The following CD2AP variants were observed in gnomAD, a reference collection of about 807,000 sequenced individuals.
The protein encoded by CD2AP is CD2-associated protein.
CD2AP carries 46 observed loss-of-function variants against 85.1 expected under a neutral mutation model. The ratio of observed to expected loss-of-function variants is 0.54; its 90% confidence interval spans 0.43 to 0.69. The LOEUF (loss-of-function observed/expected upper bound fraction) is 0.69, where lower values mean the gene tolerates loss of function less well. Among genes scored for constraint, CD2AP ranks in the 30% least tolerant of loss-of-function variants. CD2AP has a pLI of 0.00. For missense variants in CD2AP, 769 were observed against 729.5 expected (o/e 1.05, Z -0.62); for synonymous variants, 255 against 252.9 (o/e 1.01, Z -0.08).
rs192284330 is a variant in CD2AP at position 47,597,429 on chromosome 6, T to A, written c.1274+1403T>A. ...AGACAGCATAGAGGACCCAGAGGCT[T>A]GATGAGAGAATAAAAAAAGCTAATC... On this transcript the variant is annotated intron_variant, in intron 12 of 17. Coordinates refer to ENST00000359314, the MANE Select transcript of CD2AP (RefSeq NM_012120.3). 1.1e-3 allele frequency among the ~76,000 whole-genome samples: 165 copies of A among 150,576 alleles called. 5 individuals are homozygous for A. In the South Asian group the frequency reaches 0.012, roughly 11 times the overall value.
intron 2 of CD2AP, among the ~76,000 whole-genome samples, chr6:47,524,618 T>C (rs981990328): frequency 1.6e-4 from 25 of 151,886 alleles, no homozygotes; most frequent in Non-Finnish European, 3.7e-4. Flanking sequence ...GTGTTTTTTT[T>C]TCCACTGTAC....
rs1283626251 is a variant in CD2AP, at chr6:47,572,166, A to G, written c.542-1898A>G. On this transcript the variant is annotated intron_variant, in intron 5 of 17. Transcript: ENST00000359314. ...CCCTGACTGGAAATAACTGTTGTAA[A>G]GGATTACTGTAAAATTTAACATTCA... 2.0e-5 allele frequency among the ~76,000 whole-genome samples: 3 copies of G among 152,318 alleles called. No homozygotes were observed. The East Asian group carries it at 5.8e-4, about 29-fold the overall frequency.
At chr6:47,597,959 C>T (rs977332738) in intron 12 of CD2AP, among the ~76,000 whole-genome samples, 1 of 150,956 alleles carries the variant, frequency 6.6e-6, no homozygotes, top group African/African-American at 2.4e-5. Flanking sequence ...TTACCACATG[C>T]AGCAGTAGTC....
intron 11 of CD2AP, among the ~76,000 whole-genome samples, chr6:47,591,905 A>G (rs1768806625): frequency 6.6e-6 from 1 of 152,054 alleles, no homozygotes; most frequent in Non-Finnish European, 1.5e-5. Flanking sequence ...GCCCACTGCA[A>G]CCTCAAACTC....
intron 2 of CD2AP, among the ~76,000 whole-genome samples, chr6:47,513,447 T>C (rs1379745335): frequency 1.3e-5 from 2 of 152,306 alleles, no homozygotes; most frequent in African/African-American, 4.8e-5. Context: ...GGTTTTTGCA[T>C]AAATTGAGTG....
chr6:47,499,027 G>T (rs781175714), intron 1 of CD2AP, among the ~76,000 whole-genome samples: 1 of 152,130 alleles, frequency 6.6e-6, no homozygotes, highest in African/African-American at 2.4e-5. Context: ...AAAATGTCCT[G>T]ATTTGGCCAG....
chr6:47,563,801 C>T (rs550159529), intron 5 of CD2AP, among the ~76,000 whole-genome samples: 118 of 152,284 alleles, frequency 7.7e-4, no homozygotes, highest in African/African-American at 2.8e-3. Context: ...CCAGTTGCCT[C>T]TCATTTTTAA....
At chr6:47,623,211 A>T (rs1769810759) in intron 17 of CD2AP, among the ~76,000 whole-genome samples, 1 of 152,214 alleles carries the variant, frequency 6.6e-6, no homozygotes, top group East Asian at 1.9e-4. Flanking sequence ...ACATATAAAA[A>T]TTATACTTTT....
At chr6:47,509,375 G>GC (rs1355261196) in intron 2 of CD2AP, among the ~76,000 whole-genome samples, 1 of 152,024 alleles carries the variant, frequency 6.6e-6, no homozygotes, top group East Asian at 1.9e-4. Flanking sequence ...GGGAGCCCAT[G>GC]CCGTTGGAAA....
At chr6:47,482,606 C>T (rs1362245796) in intron 1 of CD2AP, among the ~76,000 whole-genome samples, 1 of 152,112 alleles carries the variant, frequency 6.6e-6, no homozygotes, top group African/African-American at 2.4e-5. Flanking sequence ...TCTCGATCTC[C>T]TGACCTTGTA....
intron 16 of CD2AP, 183 bp downstream of exon 16, chr6:47,609,487 G>T: frequency 3.1e-6 from 1 of 318,106 alleles, no homozygotes; most frequent in Non-Finnish European, 5.6e-6. Context: ...GACCAGCCTG[G>T]ACGACATGAC....
intron 5 of CD2AP, among the ~76,000 whole-genome samples, chr6:47,565,437 A>G (rs993395952): frequency 6.6e-6 from 1 of 152,046 alleles, no homozygotes; most frequent in Non-Finnish European, 1.5e-5. Context: ...TTTTCCCCTT[A>G]TTTTATGAAA....
At chr6:47,528,103 A>G (rs1413250677) in intron 2 of CD2AP, among the ~76,000 whole-genome samples, 1 of 152,176 alleles carries the variant, frequency 6.6e-6, no homozygotes, top group Non-Finnish European at 1.5e-5. Context: ...TGACTACAGT[A>G]TTTTATCAGA....
intron 17 of CD2AP, among the ~76,000 whole-genome samples, chr6:47,615,806 T>TTTAC (rs1769567331): frequency 6.8e-6 from 1 of 148,134 alleles, no homozygotes; most frequent in Admixed American, 6.7e-5. Flanking sequence ...TATTTATTTA[T>TTTAC]TTATTTATTT....
rs374768848 is a variant in CD2AP, at chr6:47,622,284, G to T, written c.1879-1902G>T. 5.9e-4 allele frequency among the ~76,000 whole-genome samples: 90 copies of T among 152,298 alleles called. 4 individuals are homozygous for T. The South Asian group carries it at 0.017, about 29-fold the overall frequency. Reference sequence around the variant, plus strand: ...CCTGCCTTCTAGCTGCGAAAGAAAAGGGCTTGGTTCTTCCCTCGCCTGTGG... The same window carrying T: ...CCTGCCTTCTAGCTGCGAAAGAAAATGGCTTGGTTCTTCCCTCGCCTGTGG... On this transcript the variant is annotated intron_variant, in intron 17 of 17. Transcript: ENST00000359314.
intron 14 of CD2AP, 38 bp from the exon 15 acceptor site, chr6:47,607,889 G>T: frequency 7.4e-7 from 1 of 1,346,364 alleles, no homozygotes; most frequent in Non-Finnish European, 1.1e-6. Flanking sequence ...TCTTTTCTTT[G>T]GTCTATTATG....
chr6:47,571,891 A>G (rs1768165032), intron 5 of CD2AP, among the ~76,000 whole-genome samples: 3 of 152,184 alleles, frequency 2.0e-5, no homozygotes, highest in Admixed American at 6.5e-5. Flanking sequence ...CTAATGTGCA[A>G]ATAACTTACC....
intron 6 of CD2AP, 70 bp from the exon 7 acceptor site, chr6:47,576,454 G>T: frequency 9.5e-7 from 1 of 1,049,172 alleles, no homozygotes; most frequent in South Asian, 1.3e-5. Context: ...AACTGTAAAT[G>T]GAAACTTTGT....
chr6:47,497,509 C>T (rs141061103), intron 1 of CD2AP, among the ~76,000 whole-genome samples: 2 of 151,998 alleles, frequency 1.3e-5, no homozygotes, highest in Non-Finnish European at 2.9e-5. Context: ...TTCTCTCACT[C>T]AAGCCATCCT....
Sources: gnomAD v4.1 joint callset for allele counts (sites outside exome capture counted in the v4.1 genomes callset) on GRCh38, gnomAD v4.1.1 for gene constraint, MANE v1.5 for transcripts, NCBI Gene and HGNC (gene_info 2026-07-23, HGNC 2026-07-21) for gene names.